The following DOT1L variants were observed in gnomAD, a reference collection of about 807,000 sequenced individuals.
DOT1L encodes DOT1 like histone lysine methyltransferase.
In DOT1L, 33 loss-of-function variants were observed where a neutral mutation model predicts 153.3. That is an observed-to-expected ratio of 0.22 (90% CI 0.16 to 0.29). The LOEUF is 0.29. DOT1L is among the 10% of genes least tolerant of loss of function. DOT1L has a pLI of 1.00. For missense variants in DOT1L, 1,847 were observed against 2,119.9 expected, an observed-to-expected ratio of 0.87 and a Z score of 2.53; for synonymous variants, 1,135 against 965.1, an observed-to-expected ratio of 1.18 and a Z score of -3.26.
chr19:2,202,291 C>T (rs1395362923), intron 8 of DOT1L, among the ~76,000 whole-genome samples: 6 of 152,202 alleles, frequency 3.9e-5, no homozygotes, highest in Non-Finnish European at 5.9e-5. Context: ...AGCAGTTGAG[C>T]GGGAGCCTCT....
At chr19:2,228,170 G>A (rs369016016) in intron 27 of DOT1L, 142 of 1,363,982 alleles carry the variant, frequency 1.0e-4, no homozygotes, top group Non-Finnish European at 3.6e-5. Context: ...CCTCCCTCCC[G>A]CACAAGGGCG....
At chr19:2,164,385 A>C (rs2019827615) in intron 1 of DOT1L, 120 bp downstream of exon 1, 1 of 597,304 alleles carries the variant, frequency 1.7e-6, no homozygotes, top group Non-Finnish European at 2.4e-6. Context: ...GAGACCCTGG[A>C]CTCCACTGTC....
In DOT1L at chr19:2,196,397, A is replaced by G. The variant is rs189232064; in HGVS notation, c.651+1820A>G. On this transcript the variant is annotated intron_variant, in intron 7 of 27. Coordinates refer to ENST00000398665, the MANE Select transcript of DOT1L (RefSeq NM_032482.3). ...GCCCAGGCTGGAGGGCAGTGGCGCAATCTTGGCTCACTGTAGCCTCCGCCC... is the reference window on the plus strand; with the variant it reads ...GCCCAGGCTGGAGGGCAGTGGCGCAGTCTTGGCTCACTGTAGCCTCCGCCC... Among the ~76,000 whole-genome samples, 10 of 152,308 alleles carry G rather than the reference A, an allele frequency of 6.6e-5. No individual in the cohort carries two copies. The East Asian group carries it at 9.7e-4, about 15-fold the overall frequency.
At chr19:2,215,245 G>T (rs1017748871) in intron 19 of DOT1L, among the ~76,000 whole-genome samples, 1 of 152,200 alleles carries the variant, frequency 6.6e-6, no homozygotes, top group Non-Finnish European at 1.5e-5. Context: ...CAGCCTGGGT[G>T]ACAGAGCCAG....
chr19:2,211,366 G>C (rs2023708063), intron 15 of DOT1L, among the ~76,000 whole-genome samples, 154 bp downstream of exon 15: 1 of 152,202 alleles, frequency 6.6e-6, no homozygotes, highest in African/African-American at 2.4e-5. Context: ...CTGCTGCAGG[G>C]GTCAGTAGAG....
At position 2,204,936 on chromosome 19, in the gene DOT1L, A is replaced by C. The variant is rs1302190674; in HGVS notation, c.788-1793A>C. Among the ~76,000 whole-genome samples, 2 of 150,908 alleles carry C rather than the reference A, an allele frequency of 1.3e-5. No individual in the cohort carries two copies. Among genetic ancestry groups the C allele is most frequent in the Non-Finnish European group, 2.9e-5 (2 of 67,848 alleles). On this transcript the variant is annotated intron_variant, in intron 9 of 27. Transcript: ENST00000398665. This position sits in a 1 kb window ranked among gnomAD's most constrained non-coding sequence, Gnocchi z 5.7. Reference sequence around the variant, plus strand: ...CAGGGGAGGAGAGCTGGGATGGCGGAGTGTGCATGTGTTTAAATGGATCCA... The same window carrying C: ...CAGGGGAGGAGAGCTGGGATGGCGGCGTGTGCATGTGTTTAAATGGATCCA...
chr19:2,213,951 G>A lies in DOT1L; in HGVS notation c.1762G>A (p.Asp588Asn). ...LREQSEQLEQ[D>N]NRALRGQSLQ... The stretch of plus-strand genomic sequence containing the variant: ...GGAGCAGTCGGAGCAGCTGGAGCAG[G>A]ACAACCGCGCGCTCCGCGGCCAGAG... Residue 588 changes from aspartate to asparagine, a missense_variant, in exon 18 of 28, where the codon GAC becomes AAC. This residue lies in a region of DOT1L where 156 missense variants were observed against 235.7 expected (regional missense o/e 0.66). Transcript: ENST00000398665. 1.2e-6 allele frequency: 2 copies of A among 1,612,942 alleles called. No homozygotes were observed. Among genetic ancestry groups the A allele is most frequent in the East Asian group, 2.2e-5 (1 of 44,888 alleles).
chr19:2,227,517 G>C, intron 27 of DOT1L: 1 of 526,126 alleles, frequency 1.9e-6, no homozygotes, highest in Non-Finnish European at 3.4e-6. Flanking sequence ...GAGAGGAGCC[G>C]CCGGGGGGAG....
chr19:2,229,899 G>A lies in DOT1L; in HGVS notation c.*107G>A. The A allele has an allele frequency of 6.2e-7, 1 of 1,601,084 alleles. No individual in the cohort carries two copies. Among genetic ancestry groups the A allele is most frequent in the Non-Finnish European group, 8.5e-7 (1 of 1,173,170 alleles). On this transcript the variant is annotated 3_prime_UTR_variant, in exon 28 of 28. Transcript: ENST00000398665. ...GGGCTCCCACCCCTGGACGGCAGAG[G>A]CAAGGACGGACGGGAGCTCCACTGT... is the stretch of plus-strand genomic sequence containing the variant.
rs1475339767 is a variant in DOT1L, at chr19:2,207,756, T to C, written c.963+76T>C. ...CGCCCACGTCACACTGCTCTCTCCT[T>C]TCTCATGTGGCCTCTGAGACCCTCC... is the stretch of plus-strand genomic sequence containing the variant. On this transcript the variant is annotated intron_variant, in intron 11 of 27. Transcript: ENST00000398665. The surrounding 1 kb of genome is among the most constrained non-coding windows in gnomAD (Gnocchi z 4.5). 4 of 1,347,716 alleles carry C rather than the reference T, an allele frequency of 3.0e-6. No individual in the cohort carries two copies. Among genetic ancestry groups the C allele is most frequent in the Non-Finnish European group, 4.1e-6 (4 of 987,534 alleles). The allele number at this position is 1,347,716 out of a possible 1,614,324, so 83.5% of individuals were successfully genotyped here.
intron 16 of DOT1L, 127 bp from the exon 17 acceptor site, chr19:2,213,412 G>A (rs1310020008): frequency 9.0e-6 from 8 of 890,682 alleles, no homozygotes; most frequent in South Asian, 3.3e-5. Flanking sequence ...GCCCGGTGTG[G>A]GTCCCCTCAG....
intron 1 of DOT1L, among the ~76,000 whole-genome samples, chr19:2,179,607 A>T (rs2022130755): frequency 6.6e-6 from 1 of 152,168 alleles, no homozygotes; most frequent in South Asian, 2.1e-4. Flanking sequence ...AAGGATTTCG[A>T]GACCAGCCTG....
intron 3 of DOT1L, among the ~76,000 whole-genome samples, chr19:2,187,650 C>T (rs948380642): frequency 2.0e-5 from 3 of 152,068 alleles, no homozygotes; most frequent in East Asian, 1.9e-4. Flanking sequence ...GGGCTGGGCA[C>T]CGTGGCTCAC....
chr19:2,187,965 GGGCTGCTCCTC>G (rs1308258699), intron 3 of DOT1L, among the ~76,000 whole-genome samples: 86 of 150,626 alleles, frequency 5.7e-4, no homozygotes, highest in African/African-American at 1.7e-3. Flanking sequence ...GGAAGGGCCA[GGGCTGCTCCTC>G]TGGAGCTGCG....
At chr19:2,227,988 G>A (rs1568375425) in intron 27 of DOT1L, 26 of 1,146,314 alleles carry the variant, frequency 2.3e-5, no homozygotes, top group Non-Finnish European at 2.8e-5. Flanking sequence ...CGTCCTCCAC[G>A]CCCCCCCTCC....
chr19:2,186,955 G>A (rs2022539133), intron 3 of DOT1L, among the ~76,000 whole-genome samples: 2 of 152,230 alleles, frequency 1.3e-5, no homozygotes, highest in African/African-American at 4.8e-5. Context: ...GGCCTGCAGG[G>A]CCCTGCACAG....
Position 2,207,498 on chromosome 19 carries a change from G to GAA in DOT1L, c.857-76_857-75insAA. 7.7e-7 allele frequency: 1 copy of GAA among 1,294,442 alleles called. No individual in the cohort carries two copies. The highest frequency in any genetic ancestry group is 1.1e-6 in the Non-Finnish European group (1 of 926,894). 80.2% of individuals were successfully genotyped at this position (1,294,442 alleles called of 1,614,324 possible). A position where few individuals can be genotyped will look rare whatever the true frequency, so the allele number is the denominator to read the frequency against. ...AGCTCAGGCTTCTGTCCCCACGCCTGCCCTGGGGTGGGTGAGGTCTGCATG... is the reference window on the plus strand; with the variant it reads ...AGCTCAGGCTTCTGTCCCCACGCCTGAACCCTGGGGTGGGTGAGGTCTGCATG... On this transcript the variant is annotated intron_variant, in intron 10 of 27. Coordinates refer to ENST00000398665, the MANE Select transcript of DOT1L (RefSeq NM_032482.3). This position sits in a 1 kb window ranked among gnomAD's most constrained non-coding sequence, Gnocchi z 4.5.
intron 25 of DOT1L, among the ~76,000 whole-genome samples, chr19:2,224,172 C>T (rs1255254847): frequency 6.6e-6 from 1 of 152,222 alleles, no homozygotes; most frequent in East Asian, 1.9e-4. Context: ...CATCCATCCG[C>T]CCTCCGTGCT....
At chr19:2,218,619 T>G (rs2023996999) in intron 22 of DOT1L, among the ~76,000 whole-genome samples, 1 of 152,092 alleles carries the variant, frequency 6.6e-6, no homozygotes, top group Non-Finnish European at 1.5e-5. Flanking sequence ...GGTCTTGATC[T>G]CCTGACCTAG....
Sources: gnomAD v4.1 joint callset for allele counts (sites outside exome capture counted in the v4.1 genomes callset) on GRCh38, gnomAD v4.1.1 for gene constraint, gnomAD v4.1.1 regional missense constraint, Gnocchi (gnomAD v3.1) non-coding constraint, MANE v1.5 for transcripts, NCBI Gene and HGNC (gene_info 2026-07-23, HGNC 2026-07-21) for gene names.